UFL1: variants seen among roughly 807,000 people sequenced by gnomAD.
The protein encoded by UFL1 is E3 UFM1-protein ligase 1.
UFL1 carries 78 observed loss-of-function variants against 99.3 expected under a neutral mutation model. The ratio of observed to expected loss-of-function variants is 0.79; its 90% confidence interval spans 0.65 to 0.95. The LOEUF is 0.95. Among genes scored for constraint, UFL1 ranks in the 40% least tolerant of loss-of-function variants. UFL1 has a pLI of 0.00. For synonymous variants in UFL1, 335 were observed against 322.2 expected (o/e 1.04, Z -0.42); for missense variants, 936 against 937.0 (o/e 1.00, Z 0.01).
At chr6:96,522,355 T>A (rs1769628091) in intron 1 of UFL1, among the ~76,000 whole-genome samples, 1 of 152,144 alleles carries the variant, frequency 6.6e-6, no homozygotes, top group African/African-American at 2.4e-5. Context: ...CCGCCCCCAG[T>A]ACAGTACTTG....
In UFL1 at chr6:96,553,981, G is replaced by GT. The variant is rs570763231; in HGVS notation, c.*484dup. 4.0e-5 allele frequency: 6 copies of GT among 151,760 alleles called. No individual in the cohort carries two copies. In the East Asian group the frequency reaches 1.2e-3, roughly 29 times the overall value. The allele number at this position is 151,760 out of a possible 1,614,324, so 9.4% of individuals were successfully genotyped here. A position where few individuals can be genotyped will look rare whatever the true frequency, so the allele number is the denominator to read the frequency against. On this transcript the variant is annotated 3_prime_UTR_variant, in exon 19 of 19. Transcript: ENST00000369278. ...TGTGTCAGAAATGAAAATAAATCATGTTTTTTATTTTTAAATAGAAAGCAC... is the reference window on the plus strand; with the variant it reads ...TGTGTCAGAAATGAAAATAAATCATGTTTTTTTATTTTTAAATAGAAAGCAC...
At position 96,551,485 on chromosome 6, in the gene UFL1, C is replaced by G. The variant is rs777190246; in HGVS notation, c.1871C>G (p.Thr624Arg). ...KLSEETKVALTKLHNSLNEKS... is the reference protein window; with the variant it reads ...KLSEETKVALRKLHNSLNEKS... ...TCAGAAGAAACCAAAGTAGCTCTTA[C>G]AAAACTCCATAACTCTCTGAATGAA... Residue 624 changes from threonine (T) to arginine (R), a missense_variant, in exon 16 of 19, where the codon ACA becomes AGA. Physicochemically the swap from Thr to Arg is moderately conservative, Grantham distance 71. Transcript: ENST00000369278. 6.5e-7 allele frequency: 1 copy of G among 1,536,194 alleles called. No individual in the cohort carries two copies. The highest frequency in any genetic ancestry group is 1.2e-5 in the South Asian group (1 of 81,674).
chr6:96,551,787 C>T, intron 16 of UFL1, 51 bp from the exon 17 acceptor site: 1 of 1,210,538 alleles, frequency 8.3e-7, no homozygotes. Flanking sequence ...GGCTATACTT[C>T]CTTATGCAGT....
chr6:96,521,956 C>T lies in UFL1; in HGVS notation c.77+6C>T, dbSNP rs545684749. Reference sequence around the variant, plus strand: ...TTCGCCGAGGCCACGCAGAGGTGCCCGACCCTCCCTCTCCTTTGTGGAGCC... The same window carrying T: ...TTCGCCGAGGCCACGCAGAGGTGCCTGACCCTCCCTCTCCTTTGTGGAGCC... On this transcript the variant is annotated splice_donor_region_variant and intron_variant, in intron 1 of 18. Coordinates refer to ENST00000369278, the MANE Select transcript of UFL1 (RefSeq NM_015323.5). The T allele has an allele frequency of 1.2e-6, 2 of 1,610,470 alleles. No individual in the cohort carries two copies. Among genetic ancestry groups the T allele is most frequent in the Non-Finnish European group, 1.7e-6 (2 of 1,178,598 alleles).
intron 5 of UFL1, among the ~76,000 whole-genome samples, chr6:96,527,740 C>T (rs747420432): frequency 1.3e-5 from 2 of 151,820 alleles, no homozygotes; most frequent in East Asian, 1.9e-4. Context: ...ATTTTAGAAA[C>T]GTAGTTTTTA....
chr6:96,554,634 ATTCC>A lies in UFL1; in HGVS notation c.*1134_*1137del, dbSNP rs1770129930. ...ATATTTAAAAATACTATTTTATATA[ATTCC>A]TTATGACATTTTAAACTTTATATTT... On this transcript the variant is annotated 3_prime_UTR_variant, in exon 19 of 19. Transcript: ENST00000369278. The A allele has an allele frequency of 6.6e-6, 1 of 152,282 alleles. No homozygotes were observed. The highest frequency in any genetic ancestry group is 6.5e-5 in the Admixed American group (1 of 15,268). The allele number at this position is 152,282 out of a possible 1,614,324, so 9.4% of individuals were successfully genotyped here. A position where few individuals can be genotyped will look rare whatever the true frequency, so the allele number is the denominator to read the frequency against.
chr6:96,527,064 T>C (rs1769714148), intron 5 of UFL1, among the ~76,000 whole-genome samples: 1 of 152,208 alleles, frequency 6.6e-6, no homozygotes, highest in East Asian at 1.9e-4. Flanking sequence ...GTGTCAGTAC[T>C]CAAATATCTT....
intron 13 of UFL1, 41 bp from the exon 14 acceptor site, chr6:96,549,371 A>G (rs753427558): frequency 2.7e-5 from 40 of 1,492,932 alleles, no homozygotes; most frequent in African/African-American, 1.4e-5. Context: ...ATAAATACTC[A>G]GTACATTTTA....
chr6:96,521,817 C>G lies in UFL1; in HGVS notation c.-57C>G, dbSNP rs1289241675. The G allele has an allele frequency of 5.1e-6, 8 of 1,558,822 alleles. No homozygotes were observed. The highest frequency in any genetic ancestry group is 7.0e-6 in the Non-Finnish European group (8 of 1,150,918). The stretch of plus-strand genomic sequence containing the variant: ...GGCCCGTTCCGCCTCTCTTCTCCCA[C>G]CGCCTGTCGGCTGACGTGTCTGCAG... On this transcript the variant is annotated 5_prime_UTR_variant, in exon 1 of 19. Coordinates refer to ENST00000369278, the MANE Select transcript of UFL1 (RefSeq NM_015323.5).
intron 12 of UFL1, among the ~76,000 whole-genome samples, chr6:96,544,002 G>C (rs1351331098): frequency 6.6e-6 from 1 of 150,792 alleles, no homozygotes; most frequent in Non-Finnish European, 1.5e-5. Flanking sequence ...AATTTTTAAA[G>C]GCCACAGAAC....
In UFL1 at chr6:96,549,690, C is replaced by T. The variant is rs761765154; in HGVS notation, c.1709C>T (p.Thr570Ile). The T allele has an allele frequency of 6.2e-7, 1 of 1,611,638 alleles. No individual in the cohort carries two copies. Among genetic ancestry groups the T allele is most frequent in the East Asian group, 2.2e-5 (1 of 44,812 alleles). Residue 570 changes from threonine to isoleucine, a missense_variant, in exon 15 of 19, where the codon ACC (threonine) becomes ATC (isoleucine). By Grantham distance (89) the Thr-to-Ile change is moderately conservative. Transcript: ENST00000369278. ...CCAGATGACACACAGGCTGCTCTTA[C>T]CAAACACTTGCTGAAGTCAGTGTGT... ...FFADDTQAAL[T>I]KHLLKSVCTD... is the part of the protein sequence containing the mutation.
intron 3 of UFL1, among the ~76,000 whole-genome samples, 158 bp from the exon 4 acceptor site, chr6:96,525,139 G>C (rs1355632436): frequency 6.6e-6 from 1 of 150,958 alleles, no homozygotes; most frequent in East Asian, 1.9e-4. Flanking sequence ...TTGAACTGAA[G>C]GGATCCTCCC....
At chr6:96,527,792 G>T (rs1769724159) in intron 5 of UFL1, among the ~76,000 whole-genome samples, 1 of 151,924 alleles carries the variant, frequency 6.6e-6, no homozygotes. Flanking sequence ...TATTCTAAAA[G>T]CTCATTAAGT....
chr6:96,552,465 C>CTTTT lies in UFL1; in HGVS notation c.1986-6_1986-3dup. On this transcript the variant is annotated splice_polypyrimidine_tract_variant and intron_variant, in intron 17 of 18. Transcript: ENST00000369278. ...TAAATTATGATAATGAATTTGTGTG[C>CTTTT]TTTTTTTTTTTTTTAGACAGATACT... is the stretch of plus-strand genomic sequence containing the variant. 3.0e-6 allele frequency: 4 copies of CTTTT among 1,325,448 alleles called. No homozygotes were observed. Among genetic ancestry groups the CTTTT allele is most frequent in the Admixed American group, 2.8e-5 (1 of 36,330 alleles). The allele number at this position is 1,325,448 out of a possible 1,614,324, so 82.1% of individuals were successfully genotyped here. A position where few individuals can be genotyped will look rare whatever the true frequency, so the allele number is the denominator to read the frequency against.
intron 13 of UFL1, among the ~76,000 whole-genome samples, chr6:96,548,743 G>A (rs753132176): frequency 5.3e-5 from 8 of 151,628 alleles, no homozygotes; most frequent in Non-Finnish European, 7.4e-5. Context: ...CTTATGAATG[G>A]CTAAGGGTAT....
chr6:96,550,045 T>C (rs1279154687), intron 15 of UFL1, among the ~76,000 whole-genome samples: 1 of 151,902 alleles, frequency 6.6e-6, no homozygotes, highest in Non-Finnish European at 1.5e-5. Flanking sequence ...TTTTCCCTAA[T>C]TATTATGTCA....
chr6:96,525,480 C>G (rs752343606), intron 4 of UFL1, 86 bp downstream of exon 4: 49 of 935,484 alleles, frequency 5.2e-5, no homozygotes, highest in Non-Finnish European at 7.4e-5. Flanking sequence ...CCAATTATGG[C>G]CAGTTAGACA....
In UFL1 at chr6:96,526,307, G is replaced by C; in HGVS notation, c.351-14G>C. On this transcript the variant is annotated splice_polypyrimidine_tract_variant and intron_variant, in intron 4 of 18. Transcript: ENST00000369278. The stretch of plus-strand genomic sequence containing the variant: ...TAATTCTTTTTTCTATTATTTTCTT[G>C]TTTTCACTATTAGGAATTATTTGGA... 6.3e-7 allele frequency: 1 copy of C among 1,577,586 alleles called. No individual in the cohort carries two copies. Among genetic ancestry groups the C allele is most frequent in the South Asian group, 1.2e-5 (1 of 85,646 alleles).
At chr6:96,546,746 A>G (rs1654819271) in intron 12 of UFL1, among the ~76,000 whole-genome samples, 1 of 151,652 alleles carries the variant, frequency 6.6e-6, no homozygotes, top group African/African-American at 2.4e-5. Context: ...GACAGGGTCG[A>G]CAAAAATAAA....
Sources: gnomAD v4.1 joint callset for allele counts (sites outside exome capture counted in the v4.1 genomes callset) on GRCh38, gnomAD v4.1.1 for gene constraint, MANE v1.5 for transcripts, NCBI Gene and HGNC (gene_info 2026-07-23, HGNC 2026-07-21) for gene names.